HECW2: variants seen among roughly 807,000 people sequenced by gnomAD.
HECW2 encodes the protein E3 ubiquitin-protein ligase HECW2.
In HECW2, 61 loss-of-function variants were observed where a neutral mutation model predicts 175.2. That is an observed-to-expected ratio of 0.35 (90% CI 0.28 to 0.43). The LOEUF is 0.43. Among genes scored for constraint, HECW2 ranks in the 20% least tolerant of loss-of-function variants. HECW2 has a pLI of 1.00. For synonymous variants in HECW2, 671 were observed against 731.0 expected (o/e 0.92, Z 1.32); for missense variants, 1,524 against 2,000.5 (o/e 0.76, Z 4.54).
At chr2:196,270,708 T>C (rs1326346817) in intron 17 of HECW2, among the ~76,000 whole-genome samples, 1 of 70,292 alleles carries the variant, frequency 1.4e-5, no homozygotes, top group African/African-American at 3.7e-5. Context: ...CACCTTTATT[T>C]ATTTTTTTTT....
At chr2:196,223,541 G>A (rs1003495564) in intron 23 of HECW2, among the ~76,000 whole-genome samples, 5 of 152,206 alleles carry the variant, frequency 3.3e-5, no homozygotes, top group African/African-American at 1.2e-4. Context: ...CATATCAGCA[G>A]TTTGAGAGAG....
intron 1 of HECW2, among the ~76,000 whole-genome samples, chr2:196,512,232 T>C (rs778133041): frequency 6.6e-6 from 1 of 152,184 alleles, no homozygotes; most frequent in Admixed American, 6.5e-5. Flanking sequence ...AAAGAGAAGC[T>C]AGACATCTGA....
intron 1 of HECW2, among the ~76,000 whole-genome samples, chr2:196,525,804 C>T (rs1226820355): frequency 3.8e-4 from 43 of 114,080 alleles, no homozygotes; most frequent in Non-Finnish European, 7.3e-4. Context: ...TGAATATTGG[C>T]CCCCACTCTC....
intron 19 of HECW2, among the ~76,000 whole-genome samples, chr2:196,250,785 T>C (rs1688825178): frequency 6.6e-6 from 1 of 152,138 alleles, no homozygotes; most frequent in South Asian, 2.1e-4. Flanking sequence ...CCTCTGCACA[T>C]GTATGCTCAA....
chr2:196,425,621 G>A (rs1184284774), intron 2 of HECW2, among the ~76,000 whole-genome samples: 1 of 152,132 alleles, frequency 6.6e-6, no homozygotes, highest in Non-Finnish European at 1.5e-5. Flanking sequence ...GAAATAGCAA[G>A]AGAACTAGAA....
chr2:196,518,901 C>T (rs1445525288), intron 1 of HECW2, among the ~76,000 whole-genome samples: 3 of 152,092 alleles, frequency 2.0e-5, no homozygotes, highest in African/African-American at 7.2e-5. Context: ...ACGGTGTTGG[C>T]GTCTGTCTCC....
intron 7 of HECW2, among the ~76,000 whole-genome samples, chr2:196,321,024 C>T (rs1691921588): frequency 6.6e-6 from 1 of 152,210 alleles, no homozygotes; most frequent in African/African-American, 2.4e-5. Flanking sequence ...GCAGCCCTGG[C>T]TGTGTGATGG....
At chr2:196,510,874 T>C (rs950496726) in intron 1 of HECW2, among the ~76,000 whole-genome samples, 4 of 152,200 alleles carry the variant, frequency 2.6e-5, no homozygotes, top group African/African-American at 4.8e-5. Context: ...GTGAGGACTA[T>C]GAGGACTACT....
At chr2:196,369,385 T>G (rs1553508427) in intron 2 of HECW2, among the ~76,000 whole-genome samples, 3 of 147,990 alleles carry the variant, frequency 2.0e-5, no homozygotes, top group Non-Finnish European at 4.5e-5. Context: ...TCTCTCTCAC[T>G]GATGAGCTCT....
At chr2:196,565,786 GAAT>G (rs1280052137) in intron 1 of HECW2, among the ~76,000 whole-genome samples, 1 of 152,046 alleles carries the variant, frequency 6.6e-6, no homozygotes, top group Non-Finnish European at 1.5e-5. Context: ...AAATAATAAA[GAAT>G]AATTGTTTGT....
chr2:196,196,943 G>A lies in HECW2; in HGVS notation c.*4334C>T, dbSNP rs2105740878. ...CTACAAAAATACAAAAATTAGCCAGGTGTGGTGGTATGCGCCTGTAGTCCC... is the reference window on the plus strand; with the variant it reads ...CTACAAAAATACAAAAATTAGCCAGATGTGGTGGTATGCGCCTGTAGTCCC... On this transcript the variant is annotated 3_prime_UTR_variant, in exon 29 of 29. Transcript: ENST00000644978. 1 of 152,256 alleles carries A rather than the reference G, an allele frequency of 6.6e-6. No homozygotes were observed. The highest frequency in any genetic ancestry group is 2.1e-4 in the South Asian group (1 of 4,812). 9.4% of individuals were successfully genotyped at this position (152,256 alleles called of 1,614,324 possible). A position where few individuals can be genotyped will look rare whatever the true frequency, so the allele number is the denominator to read the frequency against.
intron 19 of HECW2, among the ~76,000 whole-genome samples, chr2:196,248,500 C>T (rs1272857404): frequency 6.6e-6 from 1 of 150,984 alleles, no homozygotes; most frequent in Admixed American, 6.6e-5. Context: ...GGGAAGGGAT[C>T]AAACACCTTT....
chr2:196,247,279 A>G (rs927608032), intron 19 of HECW2, among the ~76,000 whole-genome samples: 2 of 152,194 alleles, frequency 1.3e-5, no homozygotes, highest in African/African-American at 2.4e-5. Flanking sequence ...ATAAAATTAC[A>G]GTAAATTATG....
chr2:196,364,417 G>C (rs1284421911), intron 2 of HECW2, among the ~76,000 whole-genome samples: 1 of 152,134 alleles, frequency 6.6e-6, no homozygotes, highest in East Asian at 1.9e-4. Flanking sequence ...TCTTTCACTG[G>C]GATGGTAATT....
At chr2:196,220,433 TCA>T (rs1687625245) in intron 25 of HECW2, among the ~76,000 whole-genome samples, 1 of 152,184 alleles carries the variant, frequency 6.6e-6, no homozygotes, top group African/African-American at 2.4e-5. Context: ...ACAGAAAAAG[TCA>T]CATACAATAC....
Position 196,319,145 on chromosome 2 carries a change from G to T in HECW2, c.1745C>A (p.Thr582Lys), listed in dbSNP as rs924461024. Residue 582 changes from threonine (T) to lysine (K), a missense_variant, in exon 9 of 29, where the codon ACA becomes AAA. Physicochemically the swap from Thr to Lys is moderately conservative, Grantham distance 78 (BLOSUM62 -1). Coordinates refer to ENST00000644978, the MANE Select transcript of HECW2 (RefSeq NM_001348768.2). ...TCCTCCTGATGCATCGGAAGTCCCT[G>T]TGTCTGCGCCACTTGTGGGCTGATC... ...EVDQPTSGAD[T>K]GTSDASGGSR... 15 of 1,594,198 alleles carry T rather than the reference G, an allele frequency of 9.4e-6. No individual in the cohort carries two copies. In the African/African-American group the frequency reaches 1.9e-4, roughly 20 times the overall value.
At chr2:196,563,758 C>A (rs1559177559) in intron 1 of HECW2, among the ~76,000 whole-genome samples, 2 of 152,082 alleles carry the variant, frequency 1.3e-5, no homozygotes, top group Admixed American at 1.3e-4. Context: ...ACTTAAAAAT[C>A]CATGAATCCA....
At chr2:196,507,924 T>A (rs1385816089) in intron 1 of HECW2, among the ~76,000 whole-genome samples, 1 of 152,188 alleles carries the variant, frequency 6.6e-6, no homozygotes, top group Admixed American at 6.5e-5. Flanking sequence ...GCAGCTAATT[T>A]TTTCTCCTGT....
chr2:196,378,229 AG>A (rs1194626231), intron 2 of HECW2, among the ~76,000 whole-genome samples: 2 of 152,190 alleles, frequency 1.3e-5, no homozygotes, highest in African/African-American at 4.8e-5. Context: ...CCCATTGCCT[AG>A]GGCTGAAATA....
Sources: gnomAD v4.1 joint callset for allele counts (sites outside exome capture counted in the v4.1 genomes callset) on GRCh38, gnomAD v4.1.1 for gene constraint, MANE v1.5 for transcripts, NCBI Gene and HGNC (gene_info 2026-07-23, HGNC 2026-07-21) for gene names.